The following DOCK3 variants were observed in gnomAD, a reference collection of about 807,000 sequenced individuals.
DOCK3 encodes dedicator of cytokinesis protein 3.
Under a neutral mutation model 265.6 loss-of-function variants are expected in DOCK3, and 60 were observed. The observed-to-expected ratio is 0.23, with a 90% confidence interval of 0.18 to 0.28. The LOEUF (loss-of-function observed/expected upper bound fraction) is 0.28. Among genes scored for constraint, DOCK3 ranks in the 10% least tolerant of loss-of-function variants. The probability of loss-of-function intolerance (pLI) is 1.00; values close to 1 mark genes in which losing one functional copy is unlikely to be tolerated. For synonymous variants in DOCK3, 881 were observed against 938.0 expected, an observed-to-expected ratio of 0.94 and a Z score of 1.11; for missense variants, 1,981 against 2,594.3, an observed-to-expected ratio of 0.76 and a Z score of 5.14.
chr3:51,314,486 C>G (rs747458315), intron 31 of DOCK3, among the ~76,000 whole-genome samples: 16 of 152,172 alleles, frequency 1.1e-4, no homozygotes, highest in Admixed American at 9.2e-4. Context: ...TGTAAAAATC[C>G]ATGGACTTAT....
At chr3:51,244,581 G>T (rs987429259) in intron 21 of DOCK3, among the ~76,000 whole-genome samples, 7 of 151,956 alleles carry the variant, frequency 4.6e-5, no homozygotes, top group African/African-American at 1.5e-4. Context: ...AGGTTTTTTT[G>T]GGGATTCTTT....
intron 22 of DOCK3, among the ~76,000 whole-genome samples, chr3:51,258,511 C>CT (rs1047662310): frequency 1.4e-4 from 21 of 151,546 alleles, no homozygotes; most frequent in East Asian, 3.9e-4. Flanking sequence ...TCCTGGCTTT[C>CT]TTTTTTTTTG....
At chr3:51,186,700 C>T (rs929532160) in intron 12 of DOCK3, among the ~76,000 whole-genome samples, 21 of 152,290 alleles carry the variant, frequency 1.4e-4, no homozygotes, top group Non-Finnish European at 1.9e-4. Context: ...GCCTTGGTGC[C>T]CTGCATCTCA....
chr3:51,134,350 G>A (rs549974553), intron 9 of DOCK3, among the ~76,000 whole-genome samples: 1 of 152,276 alleles, frequency 6.6e-6, no homozygotes, highest in African/African-American at 2.4e-5. Context: ...CCTGATAGGG[G>A]CTGTATAATT....
At position 51,228,737 on chromosome 3, in the gene DOCK3, G is replaced by C; in HGVS notation, c.1724G>C (p.Cys575Ser). The C allele has an allele frequency of 6.2e-7, 1 of 1,613,972 alleles. No individual in the cohort carries two copies. The highest frequency in any genetic ancestry group is 8.5e-7 in the Non-Finnish European group (1 of 1,179,892). The change falls in exon 18 of 53, where the codon TGC becomes TCC. Residue 575 changes from cysteine (C) to serine (S), a missense_variant. Around this residue, in one of 4 missense-constraint regions of DOCK3, gnomAD observed 1,357 missense variants for 1,866.8 expected, o/e 0.73. Coordinates refer to ENST00000266037, the MANE Select transcript of DOCK3 (RefSeq NM_004947.5). ...LPCCKEDYNG[C>S]PNIPSSLIFQ... Reference sequence around the variant, plus strand: ...TGCTGCAAAGAGGACTACAATGGCTGCCCTAATATTCCTTCTAGCCTCATC... The same window carrying C: ...TGCTGCAAAGAGGACTACAATGGCTCCCCTAATATTCCTTCTAGCCTCATC...
At chr3:51,299,550 G>A (rs2109315593) in intron 27 of DOCK3, among the ~76,000 whole-genome samples, 1 of 152,088 alleles carries the variant, frequency 6.6e-6, no homozygotes, top group East Asian at 1.9e-4. Context: ...GTAGTTTTGG[G>A]TTTGACATTT....
intron 51 of DOCK3, among the ~76,000 whole-genome samples, 176 bp downstream of exon 51, chr3:51,376,011 G>A (rs568787756): frequency 6.6e-6 from 1 of 152,288 alleles, no homozygotes; most frequent in African/African-American, 2.4e-5. Context: ...CTGACTTGAT[G>A]CTAAGGTTTA....
chr3:50,922,692 G>C (rs1319426667), intron 4 of DOCK3, among the ~76,000 whole-genome samples: 1 of 151,318 alleles, frequency 6.6e-6, no homozygotes, highest in African/African-American at 2.4e-5. Flanking sequence ...CTGAAGTTTT[G>C]TACTTTTGTT....
intron 4 of DOCK3, among the ~76,000 whole-genome samples, chr3:50,897,243 A>C (rs6786201): frequency 9.9e-5 from 15 of 152,116 alleles, no homozygotes; most frequent in Non-Finnish European, 2.1e-4. Flanking sequence ...TTCTCTTTGT[A>C]GCAATTTTGA....
At chr3:50,712,363 A>T (rs536044318) in intron 1 of DOCK3, among the ~76,000 whole-genome samples, 1 of 152,264 alleles carries the variant, frequency 6.6e-6, no homozygotes, top group East Asian at 1.9e-4. Flanking sequence ...TTTGAGACGG[A>T]GTCTCGCTCT....
intron 32 of DOCK3, among the ~76,000 whole-genome samples, chr3:51,317,761 C>T (rs1252132992): frequency 6.6e-6 from 1 of 151,688 alleles, no homozygotes; most frequent in African/African-American, 2.4e-5. Context: ...TCATATTGTA[C>T]TCTATAAATA....
intron 7 of DOCK3, among the ~76,000 whole-genome samples, chr3:51,075,717 A>G (rs1378052278): frequency 6.6e-6 from 1 of 152,188 alleles, no homozygotes; most frequent in African/African-American, 2.4e-5. Context: ...CAGCATAACT[A>G]AAGTTATGTC....
chr3:51,318,730 T>G (rs1318889005), intron 32 of DOCK3, among the ~76,000 whole-genome samples: 1 of 152,100 alleles, frequency 6.6e-6, no homozygotes, highest in African/African-American at 2.4e-5. Flanking sequence ...CTTAATTATA[T>G]TGTTTGAACT....
intron 5 of DOCK3, among the ~76,000 whole-genome samples, chr3:51,006,995 T>C (rs1036333599): frequency 1.3e-5 from 2 of 152,216 alleles, no homozygotes; most frequent in African/African-American, 4.8e-5. Context: ...GGCGTATGTG[T>C]GCCACATTTT....
intron 3 of DOCK3, among the ~76,000 whole-genome samples, chr3:50,857,250 G>A (rs1280807970): frequency 6.6e-6 from 1 of 152,044 alleles, no homozygotes; most frequent in East Asian, 1.9e-4. Context: ...AAGATTGGTC[G>A]CAGCTCTTCT....
chr3:51,232,921 A>T (rs1041064699), intron 19 of DOCK3, among the ~76,000 whole-genome samples: 1 of 152,142 alleles, frequency 6.6e-6, no homozygotes, highest in Non-Finnish European at 1.5e-5. Flanking sequence ...TTTGTCAAAG[A>T]CCAGATGGCT....
intron 1 of DOCK3, among the ~76,000 whole-genome samples, chr3:50,718,722 G>T (rs533920167): frequency 1.3e-5 from 2 of 149,216 alleles, no homozygotes; most frequent in East Asian, 3.9e-4. Context: ...TTTGCCATCC[G>T]CTCTAGCTGT....
chr3:51,001,091 A>G (rs2078469115), intron 5 of DOCK3, among the ~76,000 whole-genome samples: 1 of 152,244 alleles, frequency 6.6e-6, no homozygotes, highest in African/African-American at 2.4e-5. Flanking sequence ...TATTTCGAAT[A>G]AAGCAGTTGT....
chr3:51,363,377 A>T (rs2086878885), intron 49 of DOCK3, among the ~76,000 whole-genome samples: 1 of 152,236 alleles, frequency 6.6e-6, no homozygotes, highest in Admixed American at 6.5e-5. Context: ...GGGTAGTGAC[A>T]GTGGTCTGAG....
Sources: gnomAD v4.1 joint callset for allele counts (sites outside exome capture counted in the v4.1 genomes callset) on GRCh38, gnomAD v4.1.1 for gene constraint, gnomAD v4.1.1 regional missense constraint, MANE v1.5 for transcripts, NCBI Gene and HGNC (gene_info 2026-07-23, HGNC 2026-07-21) for gene names.